KRT1: variants seen among roughly 807,000 people sequenced by gnomAD.
The protein encoded by KRT1 is keratin, type II cytoskeletal 1.
KRT1 carries 28 observed loss-of-function variants against 51.6 expected under a neutral mutation model. That is an observed-to-expected ratio of 0.54 (90% CI 0.40 to 0.74). The LOEUF (loss-of-function observed/expected upper bound fraction) is 0.74, where lower values mean the gene tolerates loss of function less well. KRT1 is among the 30% of genes least tolerant of loss of function. The pLI, the probability that KRT1 is intolerant of heterozygous loss-of-function variation, is 0.00. For missense variants in KRT1, 783 were observed against 815.5 expected, an observed-to-expected ratio of 0.96 and a Z score of 0.49; for synonymous variants, 301 against 307.7, an observed-to-expected ratio of 0.98 and a Z score of 0.23.
rs1941567410 is a variant in KRT1 at position 52,680,298 on chromosome 12, G to A, written c.51C>T (p.Phe17=). 2 of 1,614,198 alleles carry A rather than the reference G, an allele frequency of 1.2e-6. No individual in the cohort carries two copies. Among genetic ancestry groups the A allele is most frequent in the East Asian group, 2.2e-5 (1 of 44,884 alleles). Residue 17 remains phenylalanine (F), a synonymous_variant, in exon 1 of 9, where the codon TTC becomes TTT. Coordinates refer to ENST00000252244, the MANE Select transcript of KRT1 (RefSeq NM_006121.4). ...TGATGATCCCAGCAGAGCCAGAGCTGAAGCCCCCTCCACTTCGGTACCCAG... is the reference window on the plus strand; with the variant it reads ...TGATGATCCCAGCAGAGCCAGAGCTAAAGCCCCCTCCACTTCGGTACCCAG... ...SRSGYRSGGG[F]SSGSAGIINY...
In KRT1 at chr12:52,675,394, G is replaced by T. The variant is rs1565646222; in HGVS notation, c.1734C>A (p.Tyr578Ter). The change falls in exon 9 of 9, where the codon TAC becomes TAA. Residue 578 changes from tyrosine to a stop codon, truncating the protein, a stop_gained. Transcript: ENST00000252244. LOFTEE classifies it low-confidence loss of function (END_TRUNC). ...AGCCCCCACTGCTGCTTCCGGAGCC[G>T]TAGCTGCCATGGCCGCCGCCGCCAC... is the stretch of plus-strand genomic sequence containing the variant. ...SGGGGGGHGS[Y>*]GSGSSSGGYR... The T allele has an allele frequency of 6.3e-7, 1 of 1,578,576 alleles. No individual in the cohort carries two copies. Among genetic ancestry groups the T allele is most frequent in the Admixed American group, 1.7e-5 (1 of 57,712 alleles).
In KRT1 at chr12:52,680,285, C is replaced by G. The variant is rs1284370870; in HGVS notation, c.64G>C (p.Ala22Pro). 4 of 1,614,080 alleles carry G rather than the reference C, an allele frequency of 2.5e-6. No individual in the cohort carries two copies. The highest frequency in any genetic ancestry group is 2.7e-5 in the African/African-American group (2 of 74,922). The change falls in exon 1 of 9, where the codon GCT becomes CCT. Residue 22 changes from alanine (A) to proline (P), a missense_variant. Physicochemically the swap from Ala to Pro is conservative, Grantham distance 27 (BLOSUM62 -1). Transcript: ENST00000252244. ...RSGGGFSSGS[A>P]GIINYQRRTT... Reference sequence around the variant, plus strand: ...CTGCGCTGGTAGTTGATGATCCCAGCAGAGCCAGAGCTGAAGCCCCCTCCA... The same window carrying G: ...CTGCGCTGGTAGTTGATGATCCCAGGAGAGCCAGAGCTGAAGCCCCCTCCA...
In KRT1 at chr12:52,680,033, C is replaced by G. The variant is rs1355415018; in HGVS notation, c.316G>C (p.Gly106Arg). The change falls in exon 1 of 9, where the codon GGT becomes CGT. Residue 106 changes from glycine to arginine, a missense_variant. By Grantham distance (125) the Gly-to-Arg change is moderately radical (BLOSUM62 -2). Coordinates refer to ENST00000252244, the MANE Select transcript of KRT1 (RefSeq NM_006121.4). ...ATGCCACCTCCACCAAAGCCACCAC[C>G]ACCAAAGCCACCACCACCAAAGCCA... is the stretch of plus-strand genomic sequence containing the variant. ...GGGFGGGGFG[G>R]GGFGGGGIGG... The G allele has an allele frequency of 5.8e-6, 9 of 1,557,612 alleles. No homozygotes were observed. Among genetic ancestry groups the G allele is most frequent in the Non-Finnish European group, 7.8e-6 (9 of 1,150,436 alleles).
rs1026604011 is a variant in KRT1, at chr12:52,675,179, C to G, written c.*14G>C. 6.2e-7 allele frequency: 1 copy of G among 1,613,108 alleles called. No individual in the cohort carries two copies. Among genetic ancestry groups the G allele is most frequent in the Admixed American group, 1.7e-5 (1 of 60,028 alleles). ...TGGGGGAGAACTAGAGCTAATGAAA[C>G]AGAGGGCATCTCTTTATCTGGTTAC... On this transcript the variant is annotated 3_prime_UTR_variant, in exon 9 of 9. Coordinates refer to ENST00000252244, the MANE Select transcript of KRT1 (RefSeq NM_006121.4).
Position 52,680,289 on chromosome 12 carries a change from G to A in KRT1, c.60C>T (p.Gly20=), listed in dbSNP as rs1334297782. ...GCTGGTAGTTGATGATCCCAGCAGA[G>A]CCAGAGCTGAAGCCCCCTCCACTTC... ...GYRSGGGFSS[G]SAGIINYQRR... Residue 20 remains glycine (G), a synonymous_variant, in exon 1 of 9, where the codon GGC becomes GGT. Coordinates refer to ENST00000252244, the MANE Select transcript of KRT1 (RefSeq NM_006121.4). 7 of 1,614,180 alleles carry A rather than the reference G, an allele frequency of 4.3e-6. No homozygotes were observed. The Admixed American group carries it at 1.0e-4, about 23-fold the overall frequency.
rs1318053931 is a variant in KRT1 at position 52,675,555 on chromosome 12, A to G, written c.1573T>C (p.Tyr525His). The G allele has an allele frequency of 1.2e-6, 2 of 1,612,006 alleles. No homozygotes were observed. The highest frequency in any genetic ancestry group is 8.5e-7 in the Non-Finnish European group (1 of 1,179,652). ...GGSRGGGGGG[Y>H]GSGGSSYGSG... Reference sequence around the variant, plus strand: ...CCATAGCTGCTACCTCCAGAGCCGTAGCCACCGCCGCCACCTCCTCGGCTG... The same window carrying G: ...CCATAGCTGCTACCTCCAGAGCCGTGGCCACCGCCGCCACCTCCTCGGCTG... Residue 525 changes from tyrosine to histidine, a missense_variant, in exon 9 of 9, where the codon TAC (tyrosine) becomes CAC (histidine). Physicochemically the swap from Tyr to His is moderately conservative, Grantham distance 83. Coordinates refer to ENST00000252244, the MANE Select transcript of KRT1 (RefSeq NM_006121.4).
At position 52,680,337 on chromosome 12, in the gene KRT1, C is replaced by T. The variant is rs1417068296; in HGVS notation, c.12G>A (p.Gln4=). 1 of 1,613,964 alleles carries T rather than the reference C, an allele frequency of 6.2e-7. No individual in the cohort carries two copies. The highest frequency in any genetic ancestry group is 1.7e-5 in the Admixed American group (1 of 60,012). The part of the protein sequence containing the change: MSR[Q]FSSRSGYRSG... ...TTCGGTACCCAGACCTGGAACTAAA[C>T]TGTCGACTCATGTTGACTTAGAGAA... The change falls in exon 1 of 9, where the codon CAG becomes CAA. Residue 4 remains glutamine, a synonymous_variant. Coordinates refer to ENST00000252244, the MANE Select transcript of KRT1 (RefSeq NM_006121.4).
chr12:52,679,876 T>G lies in KRT1; in HGVS notation c.473A>C (p.Asn158Thr). The G allele has an allele frequency of 6.2e-7, 1 of 1,614,132 alleles. No homozygotes were observed. The highest frequency in any genetic ancestry group is 1.1e-5 in the South Asian group (1 of 91,080). ...PPGGIQEVTI[N>T]QSLLQPLNVE... ...ATTGAGGGGCTGAAGAAGGCTCTGG[T>G]TGATAGTGACTTCTTGTATGCCACC... Residue 158 changes from asparagine to threonine, a missense_variant, in exon 1 of 9, where the codon AAC (asparagine) becomes ACC (threonine). By Grantham distance (65) the Asn-to-Thr change is moderately conservative. Transcript: ENST00000252244.
chr12:52,678,489 T>C, intron 2 of KRT1, 53 bp downstream of exon 2: 13 of 1,549,894 alleles, frequency 8.4e-6, no homozygotes, highest in Non-Finnish European at 8.0e-6. Context: ...CTTATTACTT[T>C]CTGGAACTCT....
chr12:52,675,201 T>C lies in KRT1; in HGVS notation c.1927A>G (p.Thr643Ala), dbSNP rs755073937. ...AAACAGAGGGCATCTCTTTATCTGGTTACTCCGGAATAAGTGGTAGAAACA... is the reference window on the plus strand; with the variant it reads ...AAACAGAGGGCATCTCTTTATCTGGCTACTCCGGAATAAGTGGTAGAAACA... ...KFVSTTYSGV[T>A]R Residue 643 changes from threonine (T) to alanine (A), a missense_variant, in exon 9 of 9, where the codon ACC becomes GCC. By Grantham distance (58) the Thr-to-Ala change is moderately conservative. Transcript: ENST00000252244. 13 of 1,613,622 alleles carry C rather than the reference T, an allele frequency of 8.1e-6. No homozygotes were observed. Among genetic ancestry groups the C allele is most frequent in the Non-Finnish European group, 9.3e-6 (11 of 1,180,014 alleles).
chr12:52,680,029 C>G lies in KRT1; in HGVS notation c.320G>C (p.Gly107Ala), dbSNP rs767433585. The change falls in exon 1 of 9, where the codon GGT becomes GCT. Residue 107 changes from glycine to alanine, a missense_variant. Gly to Ala is a moderately conservative substitution (Grantham distance 60). Transcript: ENST00000252244. ...CCCAATGCCACCTCCACCAAAGCCA[C>G]CACCACCAAAGCCACCACCACCAAA... ...GGFGGGGFGG[G>A]GFGGGGIGGG... is the part of the protein sequence containing the mutation. 31 of 1,553,902 alleles carry G rather than the reference C, an allele frequency of 2.0e-5. No homozygotes were observed. Among genetic ancestry groups the G allele is most frequent in the Non-Finnish European group, 2.7e-5 (31 of 1,147,926 alleles).
chr12:52,675,236 C>A lies in KRT1; in HGVS notation c.1892G>T (p.Ser631Ile). 1 of 1,613,946 alleles carries A rather than the reference C, an allele frequency of 6.2e-7. No individual in the cohort carries two copies. Among genetic ancestry groups the A allele is most frequent in the Non-Finnish European group, 8.5e-7 (1 of 1,180,034 alleles). ...GGVKSSGGSS[S>I]VKFVSTTYSG... ...ATAAGTGGTAGAAACAAACTTCACG[C>A]TGGAACTGCCACCAGAGGACTTGAC... is the stretch of plus-strand genomic sequence containing the variant. The change falls in exon 9 of 9, where the codon AGC becomes ATC. Residue 631 changes from serine to isoleucine, a missense_variant. Ser to Ile is a moderately radical substitution (Grantham distance 142). Transcript: ENST00000252244.
rs1941476847 is a variant in KRT1, at chr12:52,674,816, TA to T, written c.*376del. The T allele has an allele frequency of 8.5e-6, 3 of 352,582 alleles. No homozygotes were observed. Among genetic ancestry groups the T allele is most frequent in the Non-Finnish European group, 1.6e-5 (3 of 189,008 alleles). 21.8% of individuals were successfully genotyped at this position (352,582 alleles called of 1,614,324 possible). On this transcript the variant is annotated 3_prime_UTR_variant, in exon 9 of 9. Coordinates refer to ENST00000252244, the MANE Select transcript of KRT1 (RefSeq NM_006121.4). ...CTCCACAAAAGAAAAACAACTTGCT[TA>T]CACCTTATGTACAAAACCAAAACAG...
rs192210404 is a variant in KRT1 at position 52,679,313 on chromosome 12, A to G, written c.591+445T>C. ...GAAGGCAGAGCTCCCCTCTGACAGC[A>G]AAAGATGTTTGGCACTGACTGACCA... On this transcript the variant is annotated intron_variant, in intron 1 of 8. Coordinates refer to ENST00000252244, the MANE Select transcript of KRT1 (RefSeq NM_006121.4). 1.4e-3 allele frequency among the ~76,000 whole-genome samples: 212 copies of G among 152,334 alleles called. 1 individual carries two copies. The highest frequency in any genetic ancestry group is 4.6e-3 in the African/African-American group (193 of 41,582).
At chr12:52,679,502 G>T (rs1048784735) in intron 1 of KRT1, among the ~76,000 whole-genome samples, 2 of 152,168 alleles carry the variant, frequency 1.3e-5, no homozygotes, top group African/African-American at 4.8e-5. Flanking sequence ...CCGCTCAAGA[G>T]CTGAATAAAA....
In KRT1 at chr12:52,678,533, G is replaced by A. The variant is rs1448747070; in HGVS notation, c.806+9C>T. The A allele has an allele frequency of 1.9e-6, 3 of 1,613,730 alleles. No homozygotes were observed. Among genetic ancestry groups the A allele is most frequent in the Non-Finnish European group, 2.5e-6 (3 of 1,179,598 alleles). On this transcript the variant is annotated intron_variant, in intron 2 of 8. Coordinates refer to ENST00000252244, the MANE Select transcript of KRT1 (RefSeq NM_006121.4). Reference sequence around the variant, plus strand: ...AAAAGTTAAGAACTGCCCAGACAGGGTCCCTTACTTGTTCCGGTAATCCTC... The same window carrying A: ...AAAAGTTAAGAACTGCCCAGACAGGATCCCTTACTTGTTCCGGTAATCCTC...
At position 52,674,886 on chromosome 12, in the gene KRT1, A is replaced by C. The variant is rs1941477272; in HGVS notation, c.*307T>G. The C allele has an allele frequency of 1.9e-6, 1 of 533,232 alleles. No homozygotes were observed. Among genetic ancestry groups the C allele is most frequent in the Admixed American group, 3.1e-5 (1 of 31,984 alleles). 33.0% of individuals were successfully genotyped at this position (533,232 alleles called of 1,614,324 possible). Reference sequence around the variant, plus strand: ...AGGAGCTGTCCACACCCTGGGTCTAACTGGTCCTACTCTGGCTGGCTTAAG... The same window carrying C: ...AGGAGCTGTCCACACCCTGGGTCTACCTGGTCCTACTCTGGCTGGCTTAAG... On this transcript the variant is annotated 3_prime_UTR_variant, in exon 9 of 9. Coordinates refer to ENST00000252244, the MANE Select transcript of KRT1 (RefSeq NM_006121.4).
intron 1 of KRT1, 23 bp downstream of exon 1, chr12:52,679,735 A>T (rs1481015817): frequency 6.2e-7 from 1 of 1,600,722 alleles, no homozygotes; most frequent in African/African-American, 1.3e-5. Context: ...CAGCCCTACC[A>T]GTGCAATGAG....
chr12:52,675,510 C>T lies in KRT1; in HGVS notation c.1618G>A (p.Gly540Ser), dbSNP rs766125642. 1.9e-6 allele frequency: 3 copies of T among 1,596,664 alleles called. No homozygotes were observed. Among genetic ancestry groups the T allele is most frequent in the East Asian group, 4.5e-5 (2 of 44,628 alleles). The change falls in exon 9 of 9, where the codon GGT becomes AGT. Residue 540 changes from glycine to serine, a missense_variant. Coordinates refer to ENST00000252244, the MANE Select transcript of KRT1 (RefSeq NM_006121.4). ...SSYGSGGGSY[G>S]SGGGGGGGRG... Reference sequence around the variant, plus strand: ...CCGCCGCCGCCGCCACCTCCAGAACCATAGCTACCACCTCCGGAGCCATAG... The same window carrying T: ...CCGCCGCCGCCGCCACCTCCAGAACTATAGCTACCACCTCCGGAGCCATAG...
Sources: allele counts gnomAD v4.1 joint callset (sites outside exome capture counted in the v4.1 genomes callset), GRCh38; gene constraint gnomAD v4.1.1; transcripts MANE v1.5; gene names NCBI Gene and HGNC (gene_info 2026-07-23, HGNC 2026-07-21).